The following CDH12 variants were observed in gnomAD, a reference collection of about 807,000 sequenced individuals.
The protein encoded by CDH12 is cadherin 12, also known as cadherin-12.
Under a neutral mutation model 74.1 loss-of-function variants are expected in CDH12, and 41 were observed. That is an observed-to-expected ratio of 0.55 (90% confidence interval 0.43 to 0.72). The LOEUF is 0.72. CDH12 is among the 30% of genes least tolerant of loss of function. The pLI is 0.00. For missense variants in CDH12, 945 were observed against 977.2 expected, an observed-to-expected ratio of 0.97 and a Z score of 0.44; for synonymous variants, 399 against 355.0, an observed-to-expected ratio of 1.12 and a Z score of -1.39.
At chr5:22,258,812 G>A (rs570797414) in intron 3 of CDH12, among the ~76,000 whole-genome samples, 3 of 152,106 alleles carry the variant, frequency 2.0e-5, no homozygotes, top group Non-Finnish European at 2.9e-5. Flanking sequence ...GCTATACCAC[G>A]TAGCCTAGGT....
intron 6 of CDH12, among the ~76,000 whole-genome samples, chr5:21,933,708 G>T (rs1268366887): frequency 6.6e-6 from 1 of 152,168 alleles, no homozygotes; most frequent in Admixed American, 6.6e-5. Context: ...AAATTAAGTG[G>T]TAGAAAGTAC....
chr5:21,833,995 T>G (rs1017980711), intron 8 of CDH12, among the ~76,000 whole-genome samples: 1 of 151,940 alleles, frequency 6.6e-6, no homozygotes, highest in African/African-American at 2.4e-5. Context: ...TTTATTCTAC[T>G]TAGAAAAAAG....
At chr5:21,857,841 T>G (rs1750831545) in intron 6 of CDH12, among the ~76,000 whole-genome samples, 1 of 151,834 alleles carries the variant, frequency 6.6e-6, no homozygotes, top group Admixed American at 6.6e-5. Flanking sequence ...CTCACAATTT[T>G]GGACACAGGA....
At position 21,751,958 on chromosome 5, in the gene CDH12, G is replaced by C. The variant is rs2149857900; in HGVS notation, c.2164C>G (p.Gln722Glu). 6.2e-7 allele frequency: 1 copy of C among 1,614,026 alleles called. No homozygotes were observed. The highest frequency in any genetic ancestry group is 8.5e-7 in the Non-Finnish European group (1 of 1,179,976). ...DIRDFIHQRL[Q>E]ENDVDPTAPP... Reference sequence around the variant, plus strand: ...GCAGTTGGATCCACATCATTTTCCTGTAGCCTTTGATGAATGAAATCCCTT... The same window carrying C: ...GCAGTTGGATCCACATCATTTTCCTCTAGCCTTTGATGAATGAAATCCCTT... Residue 722 changes from glutamine (Q) to glutamate (E), a missense_variant, in exon 15 of 15, where the codon CAG becomes GAG. Transcript: ENST00000382254.
intron 3 of CDH12, among the ~76,000 whole-genome samples, chr5:22,252,018 AT>A (rs1387503999): frequency 6.6e-6 from 1 of 152,006 alleles, no homozygotes; most frequent in African/African-American, 2.4e-5. Flanking sequence ...TACTGTTCAT[AT>A]TTTTTCTTCC....
intron 1 of CDH12, among the ~76,000 whole-genome samples, chr5:22,840,557 T>C (rs1185585588): frequency 6.6e-6 from 1 of 150,704 alleles, no homozygotes; most frequent in African/African-American, 2.4e-5. Context: ...TTATATATTA[T>C]ACATATAATC....
intron 3 of CDH12, among the ~76,000 whole-genome samples, chr5:22,326,123 C>T (rs531736936): frequency 1.3e-5 from 2 of 152,162 alleles, no homozygotes; most frequent in Admixed American, 6.5e-5. Context: ...TAGCTTTTCC[C>T]CCGTTCTCAC....
intron 1 of CDH12, among the ~76,000 whole-genome samples, chr5:22,729,860 G>T (rs1744343410): frequency 1.3e-5 from 2 of 151,622 alleles, no homozygotes; most frequent in Non-Finnish European, 2.9e-5. Context: ...ATTTAGTTCT[G>T]GTTCTGTCTT....
chr5:21,940,420 T>C (rs879323450), intron 6 of CDH12, among the ~76,000 whole-genome samples: 1 of 152,194 alleles, frequency 6.6e-6, no homozygotes. Context: ...TTTACACTTA[T>C]TGAACATAAT....
chr5:21,787,490 C>T (rs1388711411), intron 10 of CDH12, among the ~76,000 whole-genome samples: 2 of 152,080 alleles, frequency 1.3e-5, no homozygotes, highest in East Asian at 3.9e-4. Flanking sequence ...CACACTGACT[C>T]GACTATGGTA....
At chr5:22,091,131 A>C (rs1354787175) in intron 4 of CDH12, among the ~76,000 whole-genome samples, 2 of 151,394 alleles carry the variant, frequency 1.3e-5, no homozygotes, top group Non-Finnish European at 3.0e-5. Flanking sequence ...AGGTAGAAAA[A>C]AATTTGTCTC....
intron 1 of CDH12, among the ~76,000 whole-genome samples, chr5:22,743,277 T>TAC (rs1745123405): frequency 7.2e-6 from 1 of 138,966 alleles, no homozygotes; most frequent in Non-Finnish European, 1.5e-5. Context: ...TATATATATA[T>TAC]ATATGTATAT....
chr5:22,427,231 G>C (rs1037948885), intron 2 of CDH12, among the ~76,000 whole-genome samples: 2 of 152,102 alleles, frequency 1.3e-5, no homozygotes, highest in African/African-American at 4.8e-5. Context: ...GCAGTGGCAT[G>C]ATCTCAGCTC....
At chr5:21,887,770 G>C (rs1752705020) in intron 6 of CDH12, among the ~76,000 whole-genome samples, 1 of 152,098 alleles carries the variant, frequency 6.6e-6, no homozygotes, top group Non-Finnish European at 1.5e-5. Flanking sequence ...ATCACTACCA[G>C]GTTGCATGAG....
At chr5:22,138,606 A>G (rs189980609) in intron 4 of CDH12, among the ~76,000 whole-genome samples, 2 of 150,576 alleles carry the variant, frequency 1.3e-5, no homozygotes, top group African/African-American at 4.8e-5. Context: ...CATTTTTTAA[A>G]TTATGTTAAT....
intron 2 of CDH12, among the ~76,000 whole-genome samples, chr5:22,450,152 T>C (rs145426341): frequency 6.6e-6 from 1 of 152,168 alleles, no homozygotes; most frequent in Non-Finnish European, 1.5e-5. Context: ...ATCTATATTA[T>C]AGCTCATTGA....
Position 21,947,581 on chromosome 5 carries a change from T to C in CDH12, c.526+27510A>G, listed in dbSNP as rs529057217. Among the ~76,000 whole-genome samples, 10 of 152,234 alleles carry C rather than the reference T, an allele frequency of 6.6e-5. No homozygotes were observed. The South Asian group carries it at 2.1e-3, about 32-fold the overall frequency. On this transcript the variant is annotated intron_variant, in intron 6 of 14. Coordinates refer to ENST00000382254, the MANE Select transcript of CDH12 (RefSeq NM_004061.5). Reference sequence around the variant, plus strand: ...AGAAACATTATCTCAAATTGGAACTTATGTTTAAAATGGAAGCAGGGCATA... The same window carrying C: ...AGAAACATTATCTCAAATTGGAACTCATGTTTAAAATGGAAGCAGGGCATA...
At chr5:22,718,915 C>T (rs1743729859) in intron 1 of CDH12, among the ~76,000 whole-genome samples, 1 of 152,040 alleles carries the variant, frequency 6.6e-6, no homozygotes. Context: ...GGGACTTTGC[C>T]CTGTGTGTCT....
chr5:22,471,441 C>A (rs1158764142), intron 2 of CDH12, among the ~76,000 whole-genome samples: 1 of 152,140 alleles, frequency 6.6e-6, no homozygotes, highest in Non-Finnish European at 1.5e-5. Flanking sequence ...TGTTTACTTT[C>A]TACTGACTCA....
Sources: allele counts gnomAD v4.1 joint callset (sites outside exome capture counted in the v4.1 genomes callset), GRCh38; gene constraint gnomAD v4.1.1; transcripts MANE v1.5; gene names NCBI Gene and HGNC (gene_info 2026-07-23, HGNC 2026-07-21).